Variants in PARP9 observed in about 807,000 individuals in gnomAD.
The protein encoded by PARP9 is protein mono-ADP-ribosyltransferase PARP9.
PARP9 carries 48 observed loss-of-function variants against 68.8 expected under a neutral mutation model. That is an observed-to-expected ratio of 0.70 (90% CI 0.55 to 0.89). The LOEUF is 0.89. PARP9 is among the 40% of genes least tolerant of loss of function. PARP9 has a pLI of 0.00. For missense variants in PARP9, 806 were observed against 969.3 expected (o/e 0.83, Z 2.24); for synonymous variants, 309 against 333.8 (o/e 0.93, Z 0.81).
At chr3:122,558,342 G>A (rs754992633) in intron 3 of PARP9, 92 bp downstream of exon 3, 2 of 1,614,134 alleles carry the variant, frequency 1.2e-6, no homozygotes, top group Admixed American at 3.3e-5. Flanking sequence ...AGCACTTGTA[G>A]GGGAGACATT....
chr3:122,534,559 G>A (rs1407252034), intron 10 of PARP9: 1 of 589,776 alleles, frequency 1.7e-6, no homozygotes, highest in Non-Finnish European at 2.1e-6. Context: ...AGTATGTTGG[G>A]GGCAGTATCT....
chr3:122,536,740 C>A, intron 9 of PARP9, 194 bp downstream of exon 9: 1 of 634,106 alleles, frequency 1.6e-6, no homozygotes. Context: ...GTCCTGATGT[C>A]ATTCCTACCT....
chr3:122,558,712 T>G (rs745795179), intron 2 of PARP9, among the ~76,000 whole-genome samples: 2 of 152,188 alleles, frequency 1.3e-5, no homozygotes, highest in Non-Finnish European at 2.9e-5. Flanking sequence ...TTTTTAAATT[T>G]AATTTTATTG....
At chr3:122,564,501 G>A, upstream of PARP9, 1 of 1,613,000 alleles carries the variant, frequency 6.2e-7, no homozygotes, top group Non-Finnish European at 8.5e-7. Context: ...TACGAAGGAA[G>A]CTGGAGAGCT....
At chr3:122,563,006 A>G (rs183365010) in intron 1 of PARP9, among the ~76,000 whole-genome samples, 1 of 152,330 alleles carries the variant, frequency 6.6e-6, no homozygotes, top group East Asian at 1.9e-4. Flanking sequence ...TAATTCTGAC[A>G]GTATTGCCAA....
chr3:122,528,256 C>A lies in PARP9; in HGVS notation c.*108G>T. The A allele has an allele frequency of 2.9e-6, 4 of 1,378,220 alleles. No individual in the cohort carries two copies. Among genetic ancestry groups the A allele is most frequent in the Non-Finnish European group, 4.0e-6 (4 of 1,005,166 alleles). 85.4% of individuals were successfully genotyped at this position (1,378,220 alleles called of 1,614,324 possible). A position where few individuals can be genotyped will look rare whatever the true frequency, so the allele number is the denominator to read the frequency against. On this transcript the variant is annotated 3_prime_UTR_variant, in exon 11 of 11. Coordinates refer to ENST00000682323, the MANE Select transcript of PARP9 (RefSeq NM_001146105.2). The stretch of plus-strand genomic sequence containing the variant: ...CTTTCAATAACCCAGTCAGTCCATA[C>A]AGATAACCCATGGGATATATTCAAG...
At chr3:122,558,520 C>G in intron 2 of PARP9, 53 bp from the exon 3 acceptor site, 1 of 1,600,216 alleles carries the variant, frequency 6.2e-7, no homozygotes, top group Non-Finnish European at 8.5e-7. Flanking sequence ...ATGACTACAG[C>G]TTACTGATAA....
chr3:122,553,240 C>T (rs1204851697), intron 4 of PARP9, among the ~76,000 whole-genome samples: 1 of 152,172 alleles, frequency 6.6e-6, no homozygotes, highest in Admixed American at 6.5e-5. Flanking sequence ...TTCTTCATCT[C>T]TCTCTTCAGA....
intron 10 of PARP9, chr3:122,534,092 G>T: frequency 2.0e-6 from 2 of 980,360 alleles, no homozygotes; most frequent in Non-Finnish European, 2.4e-6. Context: ...TAAGGGATAG[G>T]GAGAAGGGCA....
At chr3:122,564,730 C>A (rs2080525581), upstream of PARP9, 1 of 1,280,014 alleles carries the variant, frequency 7.8e-7, no homozygotes. Context: ...TGTCACTGTG[C>A]GGTGGCGGAC....
rs2079908103 is a variant in PARP9, at chr3:122,558,522, T to C, written c.16-55A>G. On this transcript the variant is annotated intron_variant, in intron 2 of 10. Transcript: ENST00000682323. Reference sequence around the variant, plus strand: ...AAATGGAAGTGGAATGACTACAGCTTACTGATAACCAATACACCCTAGTAA... The same window carrying C: ...AAATGGAAGTGGAATGACTACAGCTCACTGATAACCAATACACCCTAGTAA... 2.5e-6 allele frequency: 4 copies of C among 1,597,664 alleles called. No individual in the cohort carries two copies. In the South Asian group the frequency reaches 3.3e-5, roughly 13 times the overall value.
rs954867209 is a variant in PARP9 at position 122,549,793 on chromosome 3, A to AAG, written c.1326+789_1326+790dup. Among the ~76,000 whole-genome samples the AAG allele has an allele frequency of 4.0e-5, 6 of 151,848 alleles. No individual in the cohort carries two copies. In the East Asian group the frequency reaches 9.7e-4, roughly 24 times the overall value. ...AAGATCACATCTGTTTAAAAAAAAA[A>AAG]AGAGAGAGAGAGAGAAGACAAAGAA... is the stretch of plus-strand genomic sequence containing the variant. On this transcript the variant is annotated intron_variant, in intron 6 of 10. Transcript: ENST00000682323.
At chr3:122,564,450 G>A (rs201147440), upstream of PARP9, 1 of 1,611,316 alleles carries the variant, frequency 6.2e-7, no homozygotes, top group Non-Finnish European at 8.5e-7. Flanking sequence ...TGCGCCCGCC[G>A]TCCCCGCTCC....
At chr3:122,548,403 A>G (rs991474882) in intron 6 of PARP9, among the ~76,000 whole-genome samples, 2 of 152,222 alleles carry the variant, frequency 1.3e-5, no homozygotes, top group Admixed American at 1.3e-4. Flanking sequence ...AAATCCAGAC[A>G]CATGCCGAGA....
rs554965515 is a variant in PARP9 at position 122,555,955 on chromosome 3, C to T, written c.216G>A (p.Leu72=). The T allele has an allele frequency of 3.1e-6, 5 of 1,613,880 alleles. No individual in the cohort carries two copies. The South Asian group carries it at 4.4e-5, about 14-fold the overall frequency. ...GAGTCAGCATTTTTCTGAACACTTG[C>T]AGAGATTTGCTGTTGCCTTCCTGAA... The part of the protein sequence containing the change: ...SPVQEGNSKS[L]QVFRKMLTPR... Residue 72 remains leucine, a synonymous_variant, in exon 4 of 11, where the codon CTG becomes CTA. Transcript: ENST00000682323.
In PARP9 at chr3:122,556,127, A is replaced by C. The variant is rs2079616689; in HGVS notation, c.50-6T>G. 1.0e-6 allele frequency: 1 copy of C among 971,718 alleles called. No homozygotes were observed. Among genetic ancestry groups the C allele is most frequent in the Non-Finnish European group, 1.5e-6 (1 of 657,014 alleles). The allele number at this position is 971,718 out of a possible 1,614,324, so 60.2% of individuals were successfully genotyped here. ...TTCTCCAAGAGCACCAGTCTCTGGA[A>C]AAGAAGAGAAGATTAAAAAAAAAAA... is the stretch of plus-strand genomic sequence containing the variant. On this transcript the variant is annotated splice_polypyrimidine_tract_variant and splice_region_variant and intron_variant, in intron 3 of 10. Coordinates refer to ENST00000682323, the MANE Select transcript of PARP9 (RefSeq NM_001146105.2).
At chr3:122,550,931 A>T in intron 5 of PARP9, 129 bp from the exon 6 acceptor site, 2 of 778,118 alleles carry the variant, frequency 2.6e-6, no homozygotes, top group Non-Finnish European at 2.1e-6. Context: ...CTGCCTCCTC[A>T]GATGACAGGA....
intron 10 of PARP9, among the ~76,000 whole-genome samples, chr3:122,531,426 T>C (rs1382272504): frequency 6.6e-6 from 1 of 152,234 alleles, no homozygotes; most frequent in African/African-American, 2.4e-5. Context: ...AGGATAAAGA[T>C]GAGAACAAAG....
Position 122,559,681 on chromosome 3 carries a change from CTG to C in PARP9, c.-63_-62del. 9 of 1,499,518 alleles carry C rather than the reference CTG, an allele frequency of 6.0e-6. No individual in the cohort carries two copies. The highest frequency in any genetic ancestry group is 8.1e-6 in the Non-Finnish European group (9 of 1,115,888). The allele number at this position is 1,499,518 out of a possible 1,614,324, so 92.9% of individuals were successfully genotyped here. A position where few individuals can be genotyped will look rare whatever the true frequency, so the allele number is the denominator to read the frequency against. Reference sequence around the variant, plus strand: ...TCCCTTTTGCGCTTCAAAGCATAGACTGTAGTTTCCAGATATGGTGGCCCACT... The same window carrying C: ...TCCCTTTTGCGCTTCAAAGCATAGACTAGTTTCCAGATATGGTGGCCCACT... On this transcript the variant is annotated 5_prime_UTR_variant, in exon 2 of 11. Transcript: ENST00000682323.
Sources: allele counts gnomAD v4.1 joint callset (sites outside exome capture counted in the v4.1 genomes callset), GRCh38; gene constraint gnomAD v4.1.1; transcripts MANE v1.5; gene names NCBI Gene and HGNC (gene_info 2026-07-23, HGNC 2026-07-21).